The following LRRK1 variants were observed in gnomAD, a reference collection of about 807,000 sequenced individuals.
The protein encoded by LRRK1 is leucine-rich repeat serine/threonine-protein kinase 1.
Under a neutral mutation model 209.1 loss-of-function variants are expected in LRRK1, and 113 were observed. The observed-to-expected ratio is 0.54, with a 90% CI of 0.46 to 0.63. The LOEUF is 0.63. LRRK1 is among the 30% of genes least tolerant of loss of function. The pLI is 0.00. For missense variants in LRRK1, 2,284 were observed against 2,632.2 expected (o/e 0.87, Z 2.89); for synonymous variants, 1,144 against 1,099.7 (o/e 1.04, Z -0.80).
intron 21 of LRRK1, among the ~76,000 whole-genome samples, chr15:101,048,043 T>C (rs2035184375): frequency 6.6e-6 from 1 of 151,766 alleles, no homozygotes; most frequent in Non-Finnish European, 1.5e-5. Context: ...TTTTAACATA[T>C]ACGAAATTAG....
At position 101,018,180 on chromosome 15, in the gene LRRK1, A is replaced by T. The variant is rs1200715258; in HGVS notation, c.1609+2778A>T. Among the ~76,000 whole-genome samples, 60 of 19,878 alleles carry T rather than the reference A, an allele frequency of 3.0e-3. No homozygotes were observed. In the Admixed American group the frequency reaches 0.038, roughly 13 times the overall value. 13.0% of individuals were successfully genotyped at this position (19,878 alleles called of 152,430 possible). A position where few individuals can be genotyped will look rare whatever the true frequency, so the allele number is the denominator to read the frequency against. Reference sequence around the variant, plus strand: ...CAAAGAATGCTTACAAATTGATTTAAAAAAAAAAAAAAAAAAGACAACACA... The same window carrying T: ...CAAAGAATGCTTACAAATTGATTTATAAAAAAAAAAAAAAAAGACAACACA... On this transcript the variant is annotated intron_variant, in intron 12 of 33. Transcript: ENST00000388948.
chr15:101,065,655 G>A lies in LRRK1; in HGVS notation c.5218G>A (p.Val1740Met), dbSNP rs763615713. The part of the protein sequence containing the change: ...YMAPSMVTSV[V>M]CSSEGRGEEV... Reference sequence around the variant, plus strand: ...GGCCCCCTCCATGGTTACGTCAGTCGTGTGCAGCTCTGAGGGCAGAGGGGA... The same window carrying A: ...GGCCCCCTCCATGGTTACGTCAGTCATGTGCAGCTCTGAGGGCAGAGGGGA... The change falls in exon 32 of 34, where the codon GTG becomes ATG. Residue 1740 changes from valine (V) to methionine (M), a missense_variant. Physicochemically the swap from Val to Met is conservative, Grantham distance 21 (BLOSUM62 1). This residue lies in a region of LRRK1 where 643 missense variants were observed against 695.9 expected (regional missense o/e 0.92). Coordinates refer to ENST00000388948, the MANE Select transcript of LRRK1 (RefSeq NM_024652.6). 64 of 1,614,106 alleles carry A rather than the reference G, an allele frequency of 4.0e-5. No homozygotes were observed. In the South Asian group the frequency reaches 5.5e-4, roughly 14 times the overall value.
chr15:101,066,685 C>A lies in LRRK1; in HGVS notation c.5814C>A (p.Gly1938=), dbSNP rs2959197. The change falls in exon 33 of 34, where the codon GGC becomes GGA. Residue 1938 remains glycine (G), a synonymous_variant. Transcript: ENST00000388948. The stretch of plus-strand genomic sequence containing the variant: ...TCATTGGCCTGGAGAAGGATTCTGG[C>A]GCCCAGCGGGGCCGAGTCATTGCCG... The part of the protein sequence containing the change: ...VIVIGLEKDS[G]AQRGRVIAVL... The A allele has an allele frequency of 0.3, 488,925 of 1,612,646 alleles. 76,059 individuals are homozygous for A. The highest frequency in any genetic ancestry group is 0.37 in the Middle Eastern group (2,242 of 6,054).
chr15:101,008,755 C>A, intron 6 of LRRK1, 82 bp from the exon 7 acceptor site: 1 of 1,086,986 alleles, frequency 9.2e-7, no homozygotes, highest in Non-Finnish European at 1.4e-6. Flanking sequence ...CGCGCATTTG[C>A]ATTAACCCTT....
rs558418183 is a variant in LRRK1 at position 101,066,138 on chromosome 15, G to A, written c.5701G>A (p.Glu1901Lys). 3 of 1,614,022 alleles carry A rather than the reference G, an allele frequency of 1.9e-6. No homozygotes were observed. Among genetic ancestry groups the A allele is most frequent in the Non-Finnish European group, 2.5e-6 (3 of 1,180,020 alleles). The change falls in exon 32 of 34, where the codon GAG becomes AAG. Residue 1901 changes from glutamate (E) to lysine (K), a missense_variant. Around this residue, in one of 6 missense-constraint regions of LRRK1, gnomAD observed 643 missense variants for 695.9 expected, o/e 0.92. Transcript: ENST00000388948. ...SEHDLTPMDG[E>K]TFSQHLQAVK... is the part of the protein sequence containing the mutation. ...GCATGACCTGACCCCCATGGACGGG[G>A]AGACCTTCAGCCAGCACCTGCAGGC...
rs1596377191 is a variant in LRRK1, at chr15:101,076,083, T to C, written c.*7235T>C. On this transcript the variant is annotated 3_prime_UTR_variant, in exon 34 of 34. Transcript: ENST00000388948. ...GAACTCCTTTCCTTCCTAGGCATGG[T>C]TAGTGCAGTCAGAATTCTTACACAA... 6.6e-6 allele frequency: 1 copy of C among 152,294 alleles called. No individual in the cohort carries two copies. Among genetic ancestry groups the C allele is most frequent in the South Asian group, 2.1e-4 (1 of 4,820 alleles). The allele number at this position is 152,294 out of a possible 1,614,324, so 9.4% of individuals were successfully genotyped here. A position where few individuals can be genotyped will look rare whatever the true frequency, so the allele number is the denominator to read the frequency against.
chr15:101,013,124 G>C (rs535465989), intron 10 of LRRK1, among the ~76,000 whole-genome samples: 3 of 152,024 alleles, frequency 2.0e-5, no homozygotes, highest in Non-Finnish European at 4.4e-5. Flanking sequence ...GTGTCTGCTC[G>C]AGGTCTCCTT....
chr15:100,981,925 G>A (rs904418547), intron 3 of LRRK1, among the ~76,000 whole-genome samples: 1 of 152,192 alleles, frequency 6.6e-6, no homozygotes, highest in African/African-American at 2.4e-5. Context: ...TGTGCTTGTC[G>A]GGGGCTGTTT....
At chr15:101,019,029 G>T (rs2033666091) in intron 12 of LRRK1, among the ~76,000 whole-genome samples, 1 of 152,166 alleles carries the variant, frequency 6.6e-6, no homozygotes, top group Non-Finnish European at 1.5e-5. Context: ...CGTTTTTACG[G>T]TAAAAATCAG....
At chr15:100,995,087 C>A (rs1257228491) in intron 6 of LRRK1, among the ~76,000 whole-genome samples, 1 of 152,198 alleles carries the variant, frequency 6.6e-6, no homozygotes, top group Non-Finnish European at 1.5e-5. Context: ...CCCTTCAGGG[C>A]ACGTGTGACG....
At chr15:101,008,501 C>A (rs534267594) in intron 6 of LRRK1, among the ~76,000 whole-genome samples, 2 of 152,296 alleles carry the variant, frequency 1.3e-5, no homozygotes, top group East Asian at 3.9e-4. Flanking sequence ...CTCCTCTGTA[C>A]GTGGACAATC....
At chr15:100,973,772 G>A in intron 2 of LRRK1, 32 bp from the exon 3 acceptor site, 1 of 1,262,916 alleles carries the variant, frequency 7.9e-7, no homozygotes, top group South Asian at 2.9e-5. Context: ...AGTGGGCGGT[G>A]ACGCCGTGTG....
rs372293144 is a variant in LRRK1, at chr15:101,046,117, C to T, written c.3100C>T (p.Arg1034Trp). 21 of 1,614,132 alleles carry T rather than the reference C, an allele frequency of 1.3e-5. No homozygotes were observed. Among genetic ancestry groups the T allele is most frequent in the African/African-American group, 2.7e-5 (2 of 74,946 alleles). Residue 1034 changes from arginine to tryptophan, a missense_variant, in exon 21 of 34, where the codon CGG (arginine) becomes TGG (tryptophan). Coordinates refer to ENST00000388948, the MANE Select transcript of LRRK1 (RefSeq NM_024652.6). ...PVGFWQRFIA[R>W]MLISLAEMDL... ...TGGCTTCTGGCAAAGGTTTATAGCA[C>T]GGATGCTGATCAGCCTGGCGGAGAT...
chr15:101,035,884 C>T (rs1256370479), intron 20 of LRRK1, among the ~76,000 whole-genome samples: 1 of 152,048 alleles, frequency 6.6e-6, no homozygotes, highest in Non-Finnish European at 1.5e-5. Context: ...TTTCTTTTTG[C>T]TTCCAGGTTA....
intron 3 of LRRK1, among the ~76,000 whole-genome samples, chr15:100,978,011 C>T (rs11632187): frequency 0.078 from 11,801 of 151,766 alleles, 814 homozygotes; most frequent in African/African-American, 0.19. Flanking sequence ...TAGAAAGTTT[C>T]GGCAAAGAAA....
chr15:101,012,250 A>G, intron 10 of LRRK1, 105 bp downstream of exon 10: 1 of 1,054,782 alleles, frequency 9.5e-7, no homozygotes, highest in Non-Finnish European at 1.4e-6. Flanking sequence ...AGATAAATAT[A>G]AGGGGAAAAG....
chr15:100,957,314 T>A (rs1037793641), intron 2 of LRRK1, among the ~76,000 whole-genome samples: 5 of 152,198 alleles, frequency 3.3e-5, no homozygotes, highest in African/African-American at 1.2e-4. Flanking sequence ...GTCTATTTGG[T>A]CTATAGTATT....
intron 2 of LRRK1, among the ~76,000 whole-genome samples, chr15:100,936,706 A>G (rs374203479): frequency 6.6e-6 from 1 of 152,080 alleles, no homozygotes; most frequent in African/African-American, 2.4e-5. Flanking sequence ...GGTCTGTGGG[A>G]TGTGCAGTCC....
At chr15:101,002,082 A>G (rs929335606) in intron 6 of LRRK1, among the ~76,000 whole-genome samples, 2 of 152,248 alleles carry the variant, frequency 1.3e-5, no homozygotes, top group Non-Finnish European at 2.9e-5. Flanking sequence ...AAAGCTTTGT[A>G]GATGCCAGCT....
Sources: gnomAD v4.1 joint callset for allele counts (sites outside exome capture counted in the v4.1 genomes callset) on GRCh38, gnomAD v4.1.1 for gene constraint, gnomAD v4.1.1 regional missense constraint, MANE v1.5 for transcripts, NCBI Gene and HGNC (gene_info 2026-07-23, HGNC 2026-07-21) for gene names.